The following PDZD2 variants were observed in gnomAD, a reference collection of about 807,000 sequenced individuals.
The protein encoded by PDZD2 is PDZ domain-containing protein 2.
A neutral mutation model predicts 220.7 loss-of-function variants in PDZD2; 90 were observed. The observed-to-expected ratio is 0.41, with a 90% CI of 0.34 to 0.49. PDZD2 has a LOEUF of 0.49. Among genes scored for constraint, PDZD2 ranks in the 20% least tolerant of loss-of-function variants. The pLI, the probability that PDZD2 is intolerant of heterozygous loss-of-function variation, is 0.28. For synonymous variants in PDZD2, 1,375 were observed against 1,450.5 expected (o/e 0.95, Z 1.18); for missense variants, 3,174 against 3,608.5 (o/e 0.88, Z 3.08).
At chr5:31,673,095 A>G (rs772978248) in intron 1 of PDZD2, among the ~76,000 whole-genome samples, 2 of 152,166 alleles carry the variant, frequency 1.3e-5, no homozygotes, top group South Asian at 2.1e-4. Context: ...GAAGGTACTC[A>G]GGTGTGAGGA....
At chr5:31,701,776 T>G in intron 1 of PDZD2, among the ~76,000 whole-genome samples, 1 of 152,224 alleles carries the variant, frequency 6.6e-6, no homozygotes, top group East Asian at 1.9e-4. Flanking sequence ...GATGTTTCCC[T>G]AATAACGAGA....
intron 2 of PDZD2, among the ~76,000 whole-genome samples, chr5:31,941,812 G>A (rs141046951): frequency 5.8e-4 from 88 of 152,268 alleles, no homozygotes; most frequent in African/African-American, 2.1e-3. Context: ...TCTTAAAAGT[G>A]AATGGATTCA....
chr5:31,950,807 T>C (rs1336261136), intron 2 of PDZD2, among the ~76,000 whole-genome samples: 1 of 152,168 alleles, frequency 6.6e-6, no homozygotes, highest in Non-Finnish European at 1.5e-5. Flanking sequence ...TGATATATAC[T>C]CTCTTCCTAT....
chr5:32,100,401 A>C (rs1425712105), intron 23 of PDZD2: 1 of 190,316 alleles, frequency 5.3e-6, no homozygotes, highest in Non-Finnish European at 1.1e-5. Flanking sequence ...AGTACAAGGC[A>C]AGTTTACAAT....
At position 31,833,663 on chromosome 5, in the gene PDZD2, A is replaced by G. The variant is rs1459581100; in HGVS notation, c.476+33939A>G. On this transcript the variant is annotated intron_variant, in intron 2 of 24. Transcript: ENST00000438447. ...AAAAAAAAAAAAAGAAAAGAAAAGA[A>G]AAAAGAAACAAACAAAGGTGGAGAT... is the stretch of plus-strand genomic sequence containing the variant. Among the ~76,000 whole-genome samples the G allele has an allele frequency of 1.2e-4, 14 of 112,440 alleles. No individual in the cohort carries two copies. The East Asian group carries it at 3.1e-3, about 25-fold the overall frequency. 73.8% of individuals were successfully genotyped at this position (112,440 alleles called of 152,430 possible).
chr5:31,757,792 T>A lies in PDZD2; in HGVS notation c.-360-41097T>A, dbSNP rs541026386. Among the ~76,000 whole-genome samples, 147 of 152,284 alleles carry A rather than the reference T, an allele frequency of 9.7e-4. 1 individual carries two copies. The highest frequency in any genetic ancestry group is 3.4e-3 in the African/African-American group (141 of 41,566). ...GTCAAAACACTGGAGACACCTTCCC[T>A]GTCCAGGCTGTCATTTGCCACCTGT... On this transcript the variant is annotated intron_variant, in intron 1 of 24. Coordinates refer to ENST00000438447, the MANE Select transcript of PDZD2 (RefSeq NM_178140.4).
At chr5:31,946,331 A>G (rs532425324) in intron 2 of PDZD2, among the ~76,000 whole-genome samples, 8 of 152,314 alleles carry the variant, frequency 5.3e-5, no homozygotes, top group Admixed American at 2.6e-4. Context: ...CAGTCTCTGC[A>G]GGAAGAGTCC....
intron 2 of PDZD2, chr5:31,847,451 G>A: frequency 1.8e-6 from 1 of 564,366 alleles, no homozygotes; most frequent in Non-Finnish European, 3.3e-6. Flanking sequence ...GATATCATTT[G>A]TCAGATTGCG....
At chr5:32,076,173 C>T (rs1368554954) in intron 18 of PDZD2, among the ~76,000 whole-genome samples, 1 of 151,612 alleles carries the variant, frequency 6.6e-6, no homozygotes, top group Non-Finnish European at 1.5e-5. Flanking sequence ...GTAATCCCAG[C>T]TACTCGGGAG....
chr5:31,766,912 G>C (rs1022037053), intron 1 of PDZD2, among the ~76,000 whole-genome samples: 2 of 151,276 alleles, frequency 1.3e-5, no homozygotes, highest in Non-Finnish European at 2.9e-5. Flanking sequence ...ATTTTTAGTA[G>C]AGACTGGGTT....
intron 1 of PDZD2, among the ~76,000 whole-genome samples, chr5:31,723,343 TG>T (rs1457708225): frequency 1.3e-5 from 2 of 151,122 alleles, no homozygotes; most frequent in East Asian, 1.9e-4. Flanking sequence ...TTTTTTGTTT[TG>T]TTTTTTTTTT....
intron 20 of PDZD2, 103 bp downstream of exon 20, chr5:32,091,278 A>ATT: frequency 9.3e-6 from 5 of 539,588 alleles, no homozygotes; most frequent in Non-Finnish European, 1.4e-5. Flanking sequence ...GTTCCCACTT[A>ATT]CTTTTTTTTT....
intron 1 of PDZD2, among the ~76,000 whole-genome samples, chr5:31,773,379 C>A (rs1752447340): frequency 6.6e-6 from 1 of 151,900 alleles, no homozygotes; most frequent in Non-Finnish European, 1.5e-5. Context: ...TGGCTCATGC[C>A]TGTAATCCCA....
chr5:32,081,099 G>A (rs1003219584), intron 19 of PDZD2, among the ~76,000 whole-genome samples: 3 of 151,970 alleles, frequency 2.0e-5, no homozygotes, highest in Non-Finnish European at 4.4e-5. Context: ...AAATACCGCG[G>A]GTTTGTACCT....
rs77579923 is a variant in PDZD2 at position 31,945,492 on chromosome 5, C to T, written c.477-37663C>T. Among the ~76,000 whole-genome samples, 72 of 152,216 alleles carry T rather than the reference C, an allele frequency of 4.7e-4. No individual in the cohort carries two copies. The East Asian group carries it at 0.012, about 25-fold the overall frequency. ...GAGAGGTGGTTGACTATGAGAACAT[C>T]ATGTGGAATATGTCTTAAGGAATGT... On this transcript the variant is annotated intron_variant, in intron 2 of 24. Transcript: ENST00000438447.
At chr5:31,702,514 C>G (rs1747649467) in intron 1 of PDZD2, among the ~76,000 whole-genome samples, 1 of 152,204 alleles carries the variant, frequency 6.6e-6, no homozygotes, top group Non-Finnish European at 1.5e-5. Flanking sequence ...GTCGGCCTTC[C>G]AGACCTCAGG....
At chr5:31,859,554 C>T (rs1019708616) in intron 2 of PDZD2, among the ~76,000 whole-genome samples, 1 of 152,138 alleles carries the variant, frequency 6.6e-6, no homozygotes, top group Non-Finnish European at 1.5e-5. Context: ...TGAAAAGCTT[C>T]TCAATTCTCT....
chr5:31,727,944 A>G (rs1749274293), intron 1 of PDZD2, among the ~76,000 whole-genome samples: 1 of 146,510 alleles, frequency 6.8e-6, no homozygotes, highest in Non-Finnish European at 1.5e-5. Context: ...CAGAGCTTGC[A>G]GTGAGCCAAG....
At chr5:32,046,165 C>A (rs1737940260) in intron 7 of PDZD2, among the ~76,000 whole-genome samples, 1 of 151,974 alleles carries the variant, frequency 6.6e-6, no homozygotes, top group African/African-American at 2.4e-5. Flanking sequence ...GATTAATGTC[C>A]CTTAAATTAT....
Sources: gnomAD v4.1 joint callset for allele counts (sites outside exome capture counted in the v4.1 genomes callset) on GRCh38, gnomAD v4.1.1 for gene constraint, MANE v1.5 for transcripts, NCBI Gene and HGNC (gene_info 2026-07-23, HGNC 2026-07-21) for gene names.